The following PTX4 variants were observed in gnomAD, a reference collection of about 807,000 sequenced individuals.
PTX4 encodes the protein pentraxin 4, also known as pentraxin-4.
In PTX4, 23 loss-of-function variants were observed where a neutral mutation model predicts 19.1. The ratio of observed to expected loss-of-function variants is 1.20; its 90% CI spans 0.87 to 1.70. The LOEUF (loss-of-function observed/expected upper bound fraction) is 1.70, where lower values mean the gene tolerates loss of function less well. Among genes scored for constraint, PTX4 ranks in the 40% most tolerant of loss-of-function variants. PTX4 has a pLI of 0.00. For synonymous variants in PTX4, 317 were observed against 279.6 expected, an observed-to-expected ratio of 1.13 and a Z score of -1.33; for missense variants, 678 against 610.5, an observed-to-expected ratio of 1.11 and a Z score of -1.17.
Position 1,486,056 on chromosome 16 carries a change from T to C in PTX4, c.1320A>G (p.Ala440=), listed in dbSNP as rs145133202. The part of the protein sequence containing the change: ...WDRALVPGEV[A]NLAIGKEFPT... Reference sequence around the variant, plus strand: ...GGAACTCTTTCCCGATGGCAAGGTTTGCAACTTCCCCGGGAACCAGCGCCC... The same window carrying C: ...GGAACTCTTTCCCGATGGCAAGGTTCGCAACTTCCCCGGGAACCAGCGCCC... Residue 440 remains alanine (A), a synonymous_variant, in exon 3 of 3, where the codon GCA becomes GCG. Coordinates refer to ENST00000447419, the MANE Select transcript of PTX4 (RefSeq NM_001328608.2). 4.8e-4 allele frequency: 776 copies of C among 1,614,166 alleles called. No homozygotes were observed. Among genetic ancestry groups the C allele is most frequent in the Non-Finnish European group, 6.4e-4 (750 of 1,180,022 alleles).
chr16:1,486,786 T>C (rs1029576385), intron 2 of PTX4, among the ~76,000 whole-genome samples: 7 of 152,140 alleles, frequency 4.6e-5, no homozygotes, highest in African/African-American at 9.7e-5. Flanking sequence ...GCGGGAAGAC[T>C]GAACATGAGG....
intron 1 of PTX4, chr16:1,488,284 G>T: frequency 6.3e-7 from 1 of 1,586,442 alleles, no homozygotes; most frequent in Non-Finnish European, 8.6e-7. Context: ...TCCTGCCTGT[G>T]AGCAGGGGAC....
rs775407157 is a variant in PTX4, at chr16:1,487,910, C to T, written c.202G>A (p.Val68Met). 4 of 1,610,288 alleles carry T rather than the reference C, an allele frequency of 2.5e-6. No individual in the cohort carries two copies. The Admixed American group carries it at 5.0e-5, about 20-fold the overall frequency. Reference sequence around the variant, plus strand: ...AACCGGACGTCAACGTTGTAGGACACGTTGTAGTTGCTGGCGATGTTCTGC... The same window carrying T: ...AACCGGACGTCAACGTTGTAGGACATGTTGTAGTTGCTGGCGATGTTCTGC... ...HLQNIASNYN[V>M]SYNVDVRFRS... The change falls in exon 2 of 3, where the codon GTG becomes ATG. Residue 68 changes from valine to methionine, a missense_variant. Val to Met is a conservative substitution (Grantham distance 21). Transcript: ENST00000447419.
In PTX4 at chr16:1,488,898, C is replaced by G; in HGVS notation, c.12G>C (p.Ser4=). The change falls in exon 1 of 3, where the codon TCG becomes TCC. Residue 4 remains serine, a synonymous_variant. Coordinates refer to ENST00000447419, the MANE Select transcript of PTX4 (RefSeq NM_001328608.2). Reference sequence around the variant, plus strand: ...GGAAGAAAGACAAGGTCTTCCTCCACGAGCAACCCATCCGGAGAGACGGCA... The same window carrying G: ...GGAAGAAAGACAAGGTCTTCCTCCAGGAGCAACCCATCCGGAGAGACGGCA... MGC[S]WRKTLSFFLV... 2 of 699,702 alleles carry G rather than the reference C, an allele frequency of 2.9e-6. No homozygotes were observed. The highest frequency in any genetic ancestry group is 1.5e-5 in the South Asian group (1 of 67,412). The allele number at this position is 699,702 out of a possible 1,614,324, so 43.3% of individuals were successfully genotyped here.
In PTX4 at chr16:1,485,934, C is replaced by A; in HGVS notation, c.*5G>T. 6.3e-7 allele frequency: 1 copy of A among 1,594,092 alleles called. No homozygotes were observed. Among genetic ancestry groups the A allele is most frequent in the African/African-American group, 1.3e-5 (1 of 74,788 alleles). The stretch of plus-strand genomic sequence containing the variant: ...TGCTGGCCTCAGCCCCCGTGCGGCT[C>A]GGCCTCAGGGACAGCGTTCCAGGCA... On this transcript the variant is annotated 3_prime_UTR_variant, in exon 3 of 3. Coordinates refer to ENST00000447419, the MANE Select transcript of PTX4 (RefSeq NM_001328608.2).
chr16:1,485,907 C>T lies in PTX4; in HGVS notation c.*32G>A, dbSNP rs2039237813. 1.3e-6 allele frequency: 2 copies of T among 1,570,446 alleles called. No homozygotes were observed. Among genetic ancestry groups the T allele is most frequent in the Non-Finnish European group, 1.7e-6 (2 of 1,159,782 alleles). On this transcript the variant is annotated 3_prime_UTR_variant, in exon 3 of 3. Coordinates refer to ENST00000447419, the MANE Select transcript of PTX4 (RefSeq NM_001328608.2). ...GGAATGTGGATGGGGGCATGCTGCC[C>T]TTGCTGGCCTCAGCCCCCGTGCGGC... is the stretch of plus-strand genomic sequence containing the variant.
rs1236478783 is a variant in PTX4 at position 1,486,522 on chromosome 16, A to G, written c.854T>C (p.Phe285Ser). The change falls in exon 3 of 3, where the codon TTC becomes TCC. Residue 285 changes from phenylalanine to serine, a missense_variant. Phe to Ser is a radical substitution (Grantham distance 155). Coordinates refer to ENST00000447419, the MANE Select transcript of PTX4 (RefSeq NM_001328608.2). ...GGCAGTGACGAAACCAGGGCTGAGG[A>G]AGACCACGTTCCTGGTGGAGGCGTT... ...FPNASTRNVV[F>S]LSPGFVTALR... 2.5e-6 allele frequency: 4 copies of G among 1,589,338 alleles called. No individual in the cohort carries two copies. The highest frequency in any genetic ancestry group is 3.4e-6 in the Non-Finnish European group (4 of 1,169,244).
At chr16:1,487,994 TGGGGCGGGCC>T in intron 1 of PTX4, 24 bp from the exon 2 acceptor site, 2 of 1,471,548 alleles carry the variant, frequency 1.4e-6, no homozygotes, top group Non-Finnish European at 1.8e-6. Context: ...ACGGTGATGA[TGGGGCGGGCC>T]GGGCCGGGCC....
Position 1,487,443 on chromosome 16 carries a change from T to G in PTX4, c.669A>C (p.Pro223=), listed in dbSNP as rs2039255894. The change falls in exon 2 of 3, where the codon CCA becomes CCC. Residue 223 remains proline, a synonymous_variant. Coordinates refer to ENST00000447419, the MANE Select transcript of PTX4 (RefSeq NM_001328608.2). ...CTTGGAGAGGGGCCGAGGAGTCCTG[T>G]GGGGGGCCCCTGTGCTCAGAGGCAG... ...LRAASEHRGP[P]QDSSAPLQGR... 2 of 1,516,152 alleles carry G rather than the reference T, an allele frequency of 1.3e-6. No homozygotes were observed. The highest frequency in any genetic ancestry group is 1.8e-6 in the Non-Finnish European group (2 of 1,134,588). 93.9% of individuals were successfully genotyped at this position (1,516,152 alleles called of 1,614,324 possible). A position where few individuals can be genotyped will look rare whatever the true frequency, so the allele number is the denominator to read the frequency against.
At position 1,486,565 on chromosome 16, in the gene PTX4, G is replaced by A; in HGVS notation, c.811C>T (p.Pro271Ser). ...QVPGEICGVG[P>S]TLVFPNASTR... ...GAGGCGTTTGGGAAAACGAGGGTGG[G>A]GCCCACGCCGCAAACTAGAAACAGA... The change falls in exon 3 of 3, where the codon CCC becomes TCC. Residue 271 changes from proline to serine, a missense_variant. By Grantham distance (74) the Pro-to-Ser change is moderately conservative (BLOSUM62 -1). Coordinates refer to ENST00000447419, the MANE Select transcript of PTX4 (RefSeq NM_001328608.2). 1 of 1,547,946 alleles carries A rather than the reference G, an allele frequency of 6.5e-7. No homozygotes were observed. Among genetic ancestry groups the A allele is most frequent in the South Asian group, 1.3e-5 (1 of 79,600 alleles).
At position 1,485,925 on chromosome 16, in the gene PTX4, C is replaced by A; in HGVS notation, c.*14G>T. 1.9e-6 allele frequency: 3 copies of A among 1,588,116 alleles called. No individual in the cohort carries two copies. Among genetic ancestry groups the A allele is most frequent in the Non-Finnish European group, 2.6e-6 (3 of 1,169,234 alleles). On this transcript the variant is annotated 3_prime_UTR_variant, in exon 3 of 3. Coordinates refer to ENST00000447419, the MANE Select transcript of PTX4 (RefSeq NM_001328608.2). ...TGCTGCCCTTGCTGGCCTCAGCCCC[C>A]GTGCGGCTCGGCCTCAGGGACAGCG...
Position 1,486,232 on chromosome 16 carries a change from G to T in PTX4, c.1144C>A (p.Leu382Met). The T allele has an allele frequency of 6.2e-7, 1 of 1,612,518 alleles. No individual in the cohort carries two copies. Among genetic ancestry groups the T allele is most frequent in the Non-Finnish European group, 8.5e-7 (1 of 1,179,362 alleles). Residue 382 changes from leucine (L) to methionine (M), a missense_variant, in exon 3 of 3, where the codon CTG becomes ATG. Physicochemically the swap from Leu to Met is conservative, Grantham distance 15. Coordinates refer to ENST00000447419, the MANE Select transcript of PTX4 (RefSeq NM_001328608.2). ...GRYWLHVDRR[L>M]VATGSRFREG... ...CTGAAGCGGGAGCCGGTGGCCACCA[G>T]CCTGCGATCCACGTGGAGCCAGTAC...
chr16:1,486,785 C>T (rs1241632023), intron 2 of PTX4, among the ~76,000 whole-genome samples: 1 of 152,230 alleles, frequency 6.6e-6, no homozygotes, highest in Non-Finnish European at 1.5e-5. Flanking sequence ...GGCGGGAAGA[C>T]TGAACATGAG....
rs61743346 is a variant in PTX4 at position 1,488,343 on chromosome 16, C to T, written c.142-373G>A. On this transcript the variant is annotated intron_variant, in intron 1 of 2. Coordinates refer to ENST00000447419, the MANE Select transcript of PTX4 (RefSeq NM_001328608.2). ...TTACGAGGCCCAAACAGGAAGCACC[C>T]AGCGCAGGCCCGACAGGCCCACAGC... 2.2e-5 allele frequency: 36 copies of T among 1,613,112 alleles called. No homozygotes were observed. In the African/African-American group the frequency reaches 3.6e-4, roughly 16 times the overall value.
chr16:1,487,955 C>G lies in PTX4; in HGVS notation c.157G>C (p.Glu53Gln), dbSNP rs144904207. 1.4e-3 allele frequency: 2,253 copies of G among 1,584,974 alleles called. 6 individuals are homozygous for G. Among genetic ancestry groups the G allele is most frequent in the Non-Finnish European group, 1.6e-3 (1,900 of 1,161,722 alleles). Residue 53 changes from glutamate to glutamine, a missense_variant, in exon 2 of 3, where the codon GAG becomes CAG. Physicochemically the swap from Glu to Gln is conservative, Grantham distance 29 (BLOSUM62 2). Coordinates refer to ENST00000447419, the MANE Select transcript of PTX4 (RefSeq NM_001328608.2). ...TTCTGCAGGTGTGTCCAGGTCACCT[C>G]CTGGAATCTCCGGAACTGTAAGGAG... ...RLEEQFRRFQ[E>Q]VTWTHLQNIA...
intron 2 of PTX4, among the ~76,000 whole-genome samples, chr16:1,486,863 G>A (rs889510265): frequency 3.3e-5 from 5 of 152,182 alleles, no homozygotes; most frequent in African/African-American, 1.2e-4. Context: ...CTGAGCCAGC[G>A]CCCCTCACTG....
In PTX4 at chr16:1,488,498, C is replaced by T. The variant is rs368853793; in HGVS notation, c.141+271G>A. 5 of 1,598,288 alleles carry T rather than the reference C, an allele frequency of 3.1e-6. No individual in the cohort carries two copies. The African/African-American group carries it at 6.7e-5, about 21-fold the overall frequency. On this transcript the variant is annotated intron_variant, in intron 1 of 2. Coordinates refer to ENST00000447419, the MANE Select transcript of PTX4 (RefSeq NM_001328608.2). ...TACCCGGCCCCCATGGCCCCCAGTT[C>T]CCCTGACTCCCTTCCAGACCCCCTT...
At position 1,485,899 on chromosome 16, in the gene PTX4, A is replaced by G; in HGVS notation, c.*40T>C. The G allele has an allele frequency of 6.4e-7, 1 of 1,561,278 alleles. No individual in the cohort carries two copies. Among genetic ancestry groups the G allele is most frequent in the Non-Finnish European group, 8.7e-7 (1 of 1,155,156 alleles). On this transcript the variant is annotated 3_prime_UTR_variant, in exon 3 of 3. Transcript: ENST00000447419. ...GCGGTGGCGGAATGTGGATGGGGGCATGCTGCCCTTGCTGGCCTCAGCCCC... is the reference window on the plus strand; with the variant it reads ...GCGGTGGCGGAATGTGGATGGGGGCGTGCTGCCCTTGCTGGCCTCAGCCCC...
chr16:1,487,194 G>C, intron 2 of PTX4, 122 bp downstream of exon 2: 1 of 970,248 alleles, frequency 1.0e-6, no homozygotes, highest in Non-Finnish European at 1.4e-6. Flanking sequence ...GATGATCCGA[G>C]ACCCTCTCCC....
Sources: allele counts gnomAD v4.1 joint callset (sites outside exome capture counted in the v4.1 genomes callset), GRCh38; gene constraint gnomAD v4.1.1; transcripts MANE v1.5; gene names NCBI Gene and HGNC (gene_info 2026-07-23, HGNC 2026-07-21).